LEMD1: variants seen among roughly 807,000 people sequenced by gnomAD.
The protein encoded by LEMD1 is LEM domain containing 1, also known as LEM domain-containing protein 1.
A neutral mutation model predicts 17.4 loss-of-function variants in LEMD1; 18 were observed. That is an observed-to-expected ratio of 1.04 (90% CI 0.72 to 1.54). LEMD1 has a LOEUF of 1.54. LEMD1 is among the 40% of genes most tolerant of loss of function. The pLI is 0.00. For synonymous variants in LEMD1, 88 were observed against 77.8 expected (o/e 1.13, Z -0.69); for missense variants, 195 against 210.4 (o/e 0.93, Z 0.45).
At chr1:205,424,891 G>A (rs895477616), upstream of LEMD1, among the ~76,000 whole-genome samples, 2 of 152,156 alleles carry the variant, frequency 1.3e-5, no homozygotes, top group Non-Finnish European at 2.9e-5. Flanking sequence ...AGGATGAATT[G>A]GTAAGGAACA....
chr1:205,381,549 G>T lies in LEMD1; in HGVS notation c.*109C>A, dbSNP rs1663692684. The T allele has an allele frequency of 2.9e-6, 3 of 1,047,632 alleles. No individual in the cohort carries two copies. The highest frequency in any genetic ancestry group is 4.4e-6 in the Non-Finnish European group (3 of 679,404). 64.9% of individuals were successfully genotyped at this position (1,047,632 alleles called of 1,614,324 possible). Reference sequence around the variant, plus strand: ...TGAGAGCAGCACAGTGCAAGGGAAGGCTCCCTGCAAGGGAGGGCTGCAGGC... The same window carrying T: ...TGAGAGCAGCACAGTGCAAGGGAAGTCTCCCTGCAAGGGAGGGCTGCAGGC... On this transcript the variant is annotated 3_prime_UTR_variant, in exon 6 of 6. Coordinates refer to ENST00000367153, the MANE Select transcript of LEMD1 (RefSeq NM_001199050.2).
At chr1:205,431,317 T>C (rs1293978711) in intron 1 of LEMD1, among the ~76,000 whole-genome samples, 1 of 152,242 alleles carries the variant, frequency 6.6e-6, no homozygotes. Context: ...ACGTGCAACA[T>C]GCACACTTGC....
At chr1:205,429,652 A>T (rs1166567759) in intron 1 of LEMD1, among the ~76,000 whole-genome samples, 1 of 152,120 alleles carries the variant, frequency 6.6e-6, no homozygotes, top group Non-Finnish European at 1.5e-5. Context: ...TAAACCGGAG[A>T]TCACAGTGGC....
intron 4 of LEMD1, among the ~76,000 whole-genome samples, chr1:205,388,462 T>C (rs1299975682): frequency 1.3e-5 from 2 of 152,214 alleles, no homozygotes; most frequent in East Asian, 3.8e-4. Context: ...GTGCAGGGAT[T>C]ACAAGTGTGA....
intron 1 of LEMD1, among the ~76,000 whole-genome samples, chr1:205,447,873 G>A (rs548807617): frequency 6.6e-6 from 1 of 152,296 alleles, no homozygotes; most frequent in Admixed American, 6.5e-5. Flanking sequence ...ACAGAAAAAA[G>A]GCTGCAGATT....
intron 4 of LEMD1, among the ~76,000 whole-genome samples, chr1:205,395,207 G>A (rs1331665859): frequency 6.6e-6 from 1 of 152,076 alleles, no homozygotes; most frequent in East Asian, 1.9e-4. Context: ...AAACACCGAT[G>A]GAAAAATCTT....
intron 5 of LEMD1, chr1:205,382,195 G>C (rs1204670519): frequency 4.4e-6 from 1 of 228,546 alleles, no homozygotes; most frequent in Non-Finnish European, 8.6e-6. Context: ...CGTAGGCCAG[G>C]TGTGGTGGTT....
chr1:205,422,380 A>G (rs745883893), upstream of LEMD1, among the ~76,000 whole-genome samples: 1 of 152,244 alleles, frequency 6.6e-6, no homozygotes, highest in Non-Finnish European at 1.5e-5. Flanking sequence ...AAAGGCCCAT[A>G]CTAGTAGTTG....
rs566165309 is a variant in LEMD1, at chr1:205,441,479, C to T, written c.-39+8389G>A. On this transcript the variant is annotated intron_variant, in intron 1 of 3. Coordinates refer to the LEMD1 transcript ENST00000367154. The surrounding 1 kb of genome is among the most constrained non-coding windows in gnomAD (Gnocchi z 4.3). ...CAGGTTCTAGCTGGGGGCTTCCACT[C>T]GCTTCTGCAGGTTGCACACACGACA... 1.3e-5 allele frequency among the ~76,000 whole-genome samples: 2 copies of T among 152,198 alleles called. No homozygotes were observed. Among genetic ancestry groups the T allele is most frequent in the African/African-American group, 2.4e-5 (1 of 41,446 alleles).
At chr1:205,419,419 G>A (rs896942710) in intron 2 of LEMD1, 67 bp from the exon 3 acceptor site, 183 of 1,540,376 alleles carry the variant, frequency 1.2e-4, no homozygotes, top group Non-Finnish European at 1.5e-4. Flanking sequence ...CTAGGTTCAA[G>A]GTATTTCATA....
At chr1:205,398,275 C>T (rs6679505) in intron 4 of LEMD1, among the ~76,000 whole-genome samples, 149,601 of 152,296 alleles carry the variant, frequency 0.98, 73,522 homozygotes, top group East Asian at 1. Context: ...AAGAAACTAT[C>T]AGAGAGATGT....
At chr1:205,402,912 G>GA (rs1310229293) in intron 4 of LEMD1, among the ~76,000 whole-genome samples, 12 of 151,908 alleles carry the variant, frequency 7.9e-5, no homozygotes, top group Admixed American at 7.9e-4. Context: ...TAGCATGAAG[G>GA]GTTGTTGAAT....
rs774476336 is a variant in LEMD1, at chr1:205,419,324, CT to C, written c.110del (p.Lys37SerfsTer2). ...GAGGTGAGACCAACAACTGTACTAA[CT>C]TTTTTTCATACAACTTTCTGGTGGA... is the stretch of plus-strand genomic sequence containing the variant. The part of the protein sequence containing the change: ...LPSTRKLYEK[K>X]LVQLLVSPPC... On this transcript the variant is annotated frameshift_variant, in exon 3 of 6. Transcript: ENST00000367153. LOFTEE classifies it high-confidence loss of function. The C allele has an allele frequency of 1.7e-5, 28 of 1,614,082 alleles. No homozygotes were observed. Among genetic ancestry groups the C allele is most frequent in the African/African-American group, 5.3e-5 (4 of 74,930 alleles).
At chr1:205,420,036 C>A (rs1001922812) in intron 2 of LEMD1, among the ~76,000 whole-genome samples, 1 of 152,096 alleles carries the variant, frequency 6.6e-6, no homozygotes, top group African/African-American at 2.4e-5. Context: ...CCAATCCATG[C>A]GCTGGGTGTG....
At chr1:205,403,956 T>G (rs954347272) in intron 4 of LEMD1, among the ~76,000 whole-genome samples, 2 of 152,224 alleles carry the variant, frequency 1.3e-5, no homozygotes, top group Non-Finnish European at 2.9e-5. Flanking sequence ...CATTTTGTTA[T>G]GTACCCAGTA....
chr1:205,445,041 C>T (rs1055187394), intron 1 of LEMD1, among the ~76,000 whole-genome samples: 12 of 152,212 alleles, frequency 7.9e-5, no homozygotes, highest in Non-Finnish European at 1.5e-4. Context: ...TTCACCTTCC[C>T]TCCCTGAGCC....
At chr1:205,423,772 C>T (rs1666019705), upstream of LEMD1, among the ~76,000 whole-genome samples, 1 of 152,162 alleles carries the variant, frequency 6.6e-6, no homozygotes, top group Admixed American at 6.5e-5. Flanking sequence ...CAGTCCTGAG[C>T]ATTAGCTTGT....
chr1:205,432,140 G>T (rs1666133319), intron 1 of LEMD1, among the ~76,000 whole-genome samples: 1 of 152,224 alleles, frequency 6.6e-6, no homozygotes, highest in Non-Finnish European at 1.5e-5. Context: ...TTTGGAAGAA[G>T]GGTAGGGAAA....
intron 4 of LEMD1, among the ~76,000 whole-genome samples, chr1:205,405,685 G>A (rs1311238896): frequency 6.6e-6 from 1 of 152,006 alleles, no homozygotes; most frequent in Non-Finnish European, 1.5e-5. Flanking sequence ...ATCGTCTGAA[G>A]CCTTCTTCTC....
Sources: allele counts gnomAD v4.1 joint callset (sites outside exome capture counted in the v4.1 genomes callset), GRCh38; gene constraint gnomAD v4.1.1; non-coding constraint Gnocchi (gnomAD v3.1); transcripts MANE v1.5; gene names NCBI Gene and HGNC (gene_info 2026-07-23, HGNC 2026-07-21).